Variants in PRKCH observed in about 807,000 individuals in gnomAD.
PRKCH encodes the protein protein kinase C eta.
In PRKCH, 28 loss-of-function variants were observed where a neutral mutation model predicts 82.5. The ratio of observed to expected loss-of-function variants is 0.34; its 90% CI spans 0.25 to 0.47. The LOEUF is 0.47. Among genes scored for constraint, PRKCH ranks in the 20% least tolerant of loss-of-function variants. The pLI is 1.00. For missense variants in PRKCH, 705 were observed against 881.8 expected (o/e 0.80, Z 2.54); for synonymous variants, 322 against 327.4 (o/e 0.98, Z 0.18).
chr14:61,493,734 A>C (rs1886551506), intron 10 of PRKCH, among the ~76,000 whole-genome samples: 2 of 151,886 alleles, frequency 1.3e-5, no homozygotes, highest in Non-Finnish European at 2.9e-5. Context: ...GGGGCATGGC[A>C]TGTGTGGACA....
chr14:61,280,134 G>C lies in PRKCH; in HGVS notation c.-19+92466G>C, dbSNP rs756063139. The C allele has an allele frequency of 6.2e-7, 1 of 1,613,820 alleles. No homozygotes were observed. Among genetic ancestry groups the C allele is most frequent in the Non-Finnish European group, 8.5e-7 (1 of 1,179,908 alleles). The stretch of plus-strand genomic sequence containing the variant: ...CGTCCTGGTCCTGGTAGCGAATGTA[G>C]ACGACCAGCATGACAAAGCCGGTGA... On this transcript the variant is annotated intron_variant, in intron 1 of 3. Transcript: ENST00000555185. This position sits in a 1 kb window ranked among gnomAD's most constrained non-coding sequence, Gnocchi z 5.0.
chr14:61,530,380 C>G (rs1566930883), intron 11 of PRKCH, 27 bp from the exon 12 acceptor site: 1 of 1,490,438 alleles, frequency 6.7e-7, no homozygotes, highest in Non-Finnish European at 9.0e-7. Context: ...GTATGAACCA[C>G]CTTCTCACGC....
intron 1 of PRKCH, among the ~76,000 whole-genome samples, chr14:61,267,596 A>G (rs1442927287): frequency 6.6e-6 from 1 of 152,214 alleles, no homozygotes; most frequent in East Asian, 1.9e-4. Flanking sequence ...ACACTGTTTT[A>G]TTCTTTTAGT....
At chr14:61,415,568 G>C (rs1376322035) in intron 2 of PRKCH, among the ~76,000 whole-genome samples, 1 of 152,104 alleles carries the variant, frequency 6.6e-6, no homozygotes, top group Non-Finnish European at 1.5e-5. Context: ...TTTACTTTAG[G>C]CTACACTATG....
intron 9 of PRKCH, among the ~76,000 whole-genome samples, chr14:61,484,114 C>T (rs1171646798): frequency 6.6e-6 from 1 of 152,058 alleles, no homozygotes; most frequent in Non-Finnish European, 1.5e-5. Flanking sequence ...AAATAATCTG[C>T]AATCCCACAA....
intron 2 of PRKCH, among the ~76,000 whole-genome samples, chr14:61,427,167 G>T (rs1389082756): frequency 6.6e-6 from 1 of 152,136 alleles, no homozygotes; most frequent in African/African-American, 2.4e-5. Flanking sequence ...GTGGGGAGTT[G>T]TATGGGGGAG....
chr14:61,299,847 A>G (rs950334432), intron 1 of PRKCH: 2 of 152,266 alleles, frequency 1.3e-5, no homozygotes, highest in African/African-American at 2.4e-5. Flanking sequence ...ACATAGCTAC[A>G]GAAGTTAACA....
chr14:61,441,727 ATTT>A (rs76602358), intron 2 of PRKCH, among the ~76,000 whole-genome samples: 5 of 127,074 alleles, frequency 3.9e-5, no homozygotes, highest in African/African-American at 5.6e-5. Context: ...TCTGCTTTGT[ATTT>A]TTTTTTTTTT....
In PRKCH at chr14:61,533,020, G is replaced by A. The variant is rs140568351; in HGVS notation, c.1761+2425G>A. Among the ~76,000 whole-genome samples the A allele has an allele frequency of 3.1e-3, 474 of 152,316 alleles. 3 individuals are homozygous for A. The highest frequency in any genetic ancestry group is 0.011 in the African/African-American group (451 of 41,566). ...ATCTTCCACATAGGAAGGAGCAGGG[G>A]CTCTGGGCTCACAGTGCCGGGCCTG... On this transcript the variant is annotated intron_variant, in intron 12 of 13. Coordinates refer to ENST00000332981, the MANE Select transcript of PRKCH (RefSeq NM_006255.5).
intron 1 of PRKCH, among the ~76,000 whole-genome samples, chr14:61,331,193 ATTAAT>A (rs1484605751): frequency 6.6e-6 from 1 of 152,182 alleles, no homozygotes; most frequent in African/African-American, 2.4e-5. Context: ...GTAATAATTT[ATTAAT>A]TTATAAAATG....
At chr14:61,487,317 G>A (rs543328066) in intron 10 of PRKCH, among the ~76,000 whole-genome samples, 41 of 152,286 alleles carry the variant, frequency 2.7e-4, no homozygotes, top group African/African-American at 9.4e-4. Context: ...AAGCAGTCTA[G>A]GATCTCTGCT....
intron 1 of PRKCH, among the ~76,000 whole-genome samples, chr14:61,388,300 TGAA>T (rs556989244): frequency 3.3e-5 from 5 of 152,254 alleles, no homozygotes; most frequent in Non-Finnish European, 7.3e-5. Context: ...GGACAACACT[TGAA>T]GACCGTGTTT....
At chr14:61,512,379 T>A (rs1887417621) in intron 10 of PRKCH, among the ~76,000 whole-genome samples, 1 of 151,838 alleles carries the variant, frequency 6.6e-6, no homozygotes, top group South Asian at 2.1e-4. Flanking sequence ...GTTCTGGAAC[T>A]GTGTTCCCAA....
chr14:61,364,221 C>G (rs971904098), intron 1 of PRKCH, among the ~76,000 whole-genome samples: 4 of 151,522 alleles, frequency 2.6e-5, no homozygotes, highest in African/African-American at 7.3e-5. Context: ...ACCCAAGTCA[C>G]CCTTAGTATT....
At chr14:61,318,306 A>G (rs1022637862), upstream of PRKCH, among the ~76,000 whole-genome samples, 1 of 150,060 alleles carries the variant, frequency 6.7e-6, no homozygotes, top group African/African-American at 2.5e-5. Flanking sequence ...GGCTCAAGTG[A>G]TCCTCCTACC....
intron 1 of PRKCH, chr14:61,299,716 C>T (rs987435420): frequency 6.6e-6 from 1 of 152,264 alleles, no homozygotes; most frequent in South Asian, 2.1e-4. Context: ...TTCAGGTTTT[C>T]AACTCTACTT....
intron 2 of PRKCH, among the ~76,000 whole-genome samples, chr14:61,417,870 G>C (rs1181065030): frequency 5.9e-5 from 9 of 152,178 alleles, no homozygotes. Context: ...TTGTGTATGA[G>C]GGTTTTTGTG....
chr14:61,467,060 A>G (rs1199274351), intron 9 of PRKCH, among the ~76,000 whole-genome samples: 3 of 152,060 alleles, frequency 2.0e-5, no homozygotes, highest in African/African-American at 7.2e-5. Context: ...TACTTTCTCC[A>G]TTGTTGTTGT....
intron 7 of PRKCH, among the ~76,000 whole-genome samples, chr14:61,454,901 C>G (rs550859473): frequency 1.3e-5 from 2 of 152,282 alleles, no homozygotes; most frequent in African/African-American, 4.8e-5. Context: ...ACTAATTAAT[C>G]TCTGGGTGCT....
Sources: allele counts gnomAD v4.1 joint callset (sites outside exome capture counted in the v4.1 genomes callset), GRCh38; gene constraint gnomAD v4.1.1; non-coding constraint Gnocchi (gnomAD v3.1); transcripts MANE v1.5; gene names NCBI Gene and HGNC (gene_info 2026-07-23, HGNC 2026-07-21).